The following DMXL2 variants were observed in gnomAD, a reference collection of about 807,000 sequenced individuals.
DMXL2 encodes Dmx like 2.
In DMXL2, 103 loss-of-function variants were observed where a neutral mutation model predicts 331.1. The observed-to-expected ratio is 0.31, with a 90% confidence interval of 0.27 to 0.37. DMXL2 has a LOEUF of 0.37. Ranked by LOEUF, DMXL2 falls within the 10% of genes least tolerant of loss-of-function variation. The probability of loss-of-function intolerance (pLI) is 1.00; values close to 1 mark genes in which losing one functional copy is unlikely to be tolerated. For missense variants in DMXL2, 3,171 were observed against 3,642.9 expected, an observed-to-expected ratio of 0.87 and a Z score of 3.33; for synonymous variants, 1,281 against 1,252.1, an observed-to-expected ratio of 1.02 and a Z score of -0.49.
intron 2 of DMXL2, among the ~76,000 whole-genome samples, chr15:51,574,911 T>A (rs1012049014): frequency 6.6e-6 from 1 of 152,182 alleles, no homozygotes; most frequent in African/African-American, 2.4e-5. Flanking sequence ...ACAACTATCA[T>A]ACAACTTTAG....
intron 34 of DMXL2, 109 bp from the exon 35 acceptor site, chr15:51,458,904 AGC>A: frequency 1.2e-6 from 1 of 851,800 alleles, no homozygotes; most frequent in Admixed American, 2.5e-5. Context: ...TAGCAGCAGC[AGC>A]AGCAGCAGCA....
At chr15:51,595,704 AC>A (rs1316353559) in intron 1 of DMXL2, among the ~76,000 whole-genome samples, 1 of 152,230 alleles carries the variant, frequency 6.6e-6, no homozygotes, top group African/African-American at 2.4e-5. Context: ...ACAGTATGGT[AC>A]TGGTACCAAA....
intron 1 of DMXL2, among the ~76,000 whole-genome samples, chr15:51,611,725 T>G (rs1271780424): frequency 2.0e-5 from 3 of 152,208 alleles, no homozygotes; most frequent in Non-Finnish European, 4.4e-5. Flanking sequence ...GAGGTGAAGC[T>G]AGCTGGACTT....
intron 1 of DMXL2, among the ~76,000 whole-genome samples, chr15:51,580,314 CAG>C (rs1480854766): frequency 1.3e-5 from 2 of 152,064 alleles, no homozygotes; most frequent in African/African-American, 2.4e-5. Context: ...AAATTGACCC[CAG>C]AGAGTATGGA....
At chr15:51,511,671 C>A (rs1367793849) in intron 15 of DMXL2, among the ~76,000 whole-genome samples, 1 of 152,098 alleles carries the variant, frequency 6.6e-6, no homozygotes, top group Non-Finnish European at 1.5e-5. Flanking sequence ...ACCATTTGAC[C>A]CAGCAATCCC....
chr15:51,507,309 A>C (rs1294645783), intron 15 of DMXL2, 56 bp from the exon 16 acceptor site: 1 of 1,510,150 alleles, frequency 6.6e-7, no homozygotes, highest in African/African-American at 1.4e-5. Flanking sequence ...GGGTTAAAAA[A>C]ACACTTTTTA....
rs765934913 is a variant in DMXL2 at position 51,474,371 on chromosome 15, G to A, written c.7186C>T (p.Pro2396Ser). ...GAAATATTTTCTGATTGTCTTCGAG[G>A]TTTCACAACAAGTTTTACACCGCCT... Reference protein sequence around the residue: ...FGGGVKLVVKPRRQSENISAP... With the variant: ...FGGGVKLVVKSRRQSENISAP... The change falls in exon 28 of 44, where the codon CCT (proline) becomes TCT (serine). Residue 2396 changes from proline to serine, a missense_variant. Coordinates refer to ENST00000560891, the MANE Select transcript of DMXL2 (RefSeq NM_001378457.1). 2.5e-6 allele frequency: 4 copies of A among 1,609,876 alleles called. No homozygotes were observed. The highest frequency in any genetic ancestry group is 2.2e-5 in the South Asian group (2 of 90,944).
At chr15:51,545,510 A>C in intron 8 of DMXL2, 73 bp downstream of exon 8, 1 of 1,343,510 alleles carries the variant, frequency 7.4e-7, no homozygotes, top group Admixed American at 1.8e-5. Flanking sequence ...TGCCATCTGC[A>C]TGTTAGTTCA....
chr15:51,458,768 C>T lies in DMXL2; in HGVS notation c.8017G>A (p.Gly2673Arg), dbSNP rs1326647323. The T allele has an allele frequency of 6.2e-7, 1 of 1,613,880 alleles. No homozygotes were observed. The highest frequency in any genetic ancestry group is 8.5e-7 in the Non-Finnish European group (1 of 1,179,946). ...TCCTTATGGATGACTTTCGCCTTTC[C>T]ACCTGGATAGCCCAGATCAGCTTCA... Reference protein sequence around the residue: ...KVEADLGYPGGKAKVIHKESD... With the variant: ...KVEADLGYPGRKAKVIHKESD... The change falls in exon 35 of 44, where the codon GGA (glycine) becomes AGA (arginine). Residue 2673 changes from glycine to arginine, a missense_variant. Around this residue, in one of 7 missense-constraint regions of DMXL2, gnomAD observed 766 missense variants for 940.5 expected, o/e 0.81. Coordinates refer to ENST00000560891, the MANE Select transcript of DMXL2 (RefSeq NM_001378457.1).
At chr15:51,574,179 T>C (rs1199431465) in intron 2 of DMXL2, among the ~76,000 whole-genome samples, 1 of 152,100 alleles carries the variant, frequency 6.6e-6, no homozygotes, top group Admixed American at 6.6e-5. Context: ...TCCAGAGGAC[T>C]GAAGCAAGAA....
At chr15:51,494,674 C>T (rs759946883) in intron 19 of DMXL2, among the ~76,000 whole-genome samples, 18 of 152,094 alleles carry the variant, frequency 1.2e-4, no homozygotes, top group Admixed American at 3.3e-4. Context: ...AAAAACACAT[C>T]GCAGAGCAAA....
chr15:51,502,784 C>T, intron 17 of DMXL2, 22 bp downstream of exon 17: 2 of 1,544,056 alleles, frequency 1.3e-6, no homozygotes, highest in Admixed American at 1.7e-5. Context: ...GCTACCACTG[C>T]CCAGTCTTAA....
chr15:51,617,272 G>A (rs560779699), intron 1 of DMXL2, among the ~76,000 whole-genome samples: 18 of 152,272 alleles, frequency 1.2e-4, no homozygotes, highest in African/African-American at 4.3e-4. Context: ...ACGGGAAAAG[G>A]AAAGCTGCGA....
At chr15:51,587,825 C>T (rs1314345690) in intron 1 of DMXL2, among the ~76,000 whole-genome samples, 1 of 152,186 alleles carries the variant, frequency 6.6e-6, no homozygotes, top group Non-Finnish European at 1.5e-5. Context: ...TCCTCTCCAG[C>T]ACCTGTTGTT....
At chr15:51,524,028 A>C (rs947609470) in intron 13 of DMXL2, among the ~76,000 whole-genome samples, 1 of 152,196 alleles carries the variant, frequency 6.6e-6, no homozygotes, top group African/African-American at 2.4e-5. Context: ...AACAAAATAC[A>C]CATTCTTTTA....
Position 51,536,594 on chromosome 15 carries a change from G to T in DMXL2, c.1886C>A (p.Ala629Asp). ...GSLNQWAVTF[A>D]DKSAFTTVLT... is the part of the protein sequence containing the mutation. Reference sequence around the variant, plus strand: ...AACAGTGGTAAAGGCAGACTTATCAGCAAAAGTGACTGCCCACTGATTTAA... The same window carrying T: ...AACAGTGGTAAAGGCAGACTTATCATCAAAAGTGACTGCCCACTGATTTAA... Residue 629 changes from alanine (A) to aspartate (D), a missense_variant, in exon 12 of 44, where the codon GCT (alanine) becomes GAT (aspartate). Transcript: ENST00000560891. The T allele has an allele frequency of 6.2e-7, 1 of 1,614,066 alleles. No individual in the cohort carries two copies. Among genetic ancestry groups the T allele is most frequent in the Non-Finnish European group, 8.5e-7 (1 of 1,179,986 alleles).
chr15:51,598,054 T>G (rs1182845220), intron 1 of DMXL2, among the ~76,000 whole-genome samples: 1 of 152,222 alleles, frequency 6.6e-6, no homozygotes, highest in Non-Finnish European at 1.5e-5. Context: ...AATTCTTTTC[T>G]CCAACTCCAC....
intron 40 of DMXL2, among the ~76,000 whole-genome samples, chr15:51,454,862 G>A (rs2039486372): frequency 2.0e-5 from 3 of 152,080 alleles, no homozygotes; most frequent in Admixed American, 6.5e-5. Context: ...CAAAATGGAT[G>A]AAAGTATAAT....
intron 6 of DMXL2, among the ~76,000 whole-genome samples, chr15:51,560,664 G>GT (rs2049904225): frequency 5.7e-5 from 8 of 141,138 alleles, no homozygotes; most frequent in Admixed American, 4.4e-4. Flanking sequence ...TTGAGACTCA[G>GT]TCTCAAAAAA....
Sources: gnomAD v4.1 joint callset for allele counts (sites outside exome capture counted in the v4.1 genomes callset) on GRCh38, gnomAD v4.1.1 for gene constraint, gnomAD v4.1.1 regional missense constraint, MANE v1.5 for transcripts, NCBI Gene and HGNC (gene_info 2026-07-23, HGNC 2026-07-21) for gene names.